The following ALG14 variants were observed in gnomAD, a reference collection of about 807,000 sequenced individuals.
ALG14 encodes the protein UDP-N-acetylglucosamine transferase subunit ALG14.
A neutral mutation model predicts 22.8 loss-of-function variants in ALG14; 17 were observed. The observed-to-expected ratio is 0.75, with a 90% CI of 0.51 to 1.12. The LOEUF is 1.12. Ranked by LOEUF, ALG14 falls within the 50% of genes most tolerant of loss-of-function variation. The pLI, the probability that ALG14 is intolerant of heterozygous loss-of-function variation, is 0.00. For missense variants in ALG14, 288 were observed against 271.8 expected (o/e 1.06, Z -0.42); for synonymous variants, 89 against 103.7 (o/e 0.86, Z 0.86).
intron 2 of ALG14, among the ~76,000 whole-genome samples, chr1:95,029,861 G>A (rs2100776265): frequency 6.6e-6 from 1 of 152,260 alleles, no homozygotes; most frequent in Non-Finnish European, 1.5e-5. Flanking sequence ...GGCTCAATAT[G>A]TATCCACTAT....
chr1:95,017,461 T>A (rs1302123901), intron 3 of ALG14, among the ~76,000 whole-genome samples: 1 of 152,056 alleles, frequency 6.6e-6, no homozygotes, highest in Admixed American at 6.5e-5. Flanking sequence ...TCGGGGCAGT[T>A]GGAAAGGAGT....
intron 2 of ALG14, among the ~76,000 whole-genome samples, chr1:95,046,676 G>A (rs912778418): frequency 2.6e-5 from 4 of 152,190 alleles, no homozygotes; most frequent in Admixed American, 2.0e-4. Flanking sequence ...TTATAAAAGT[G>A]CTTGCAGAAT....
intron 2 of ALG14, among the ~76,000 whole-genome samples, chr1:95,043,032 C>A (rs1312292623): frequency 6.6e-6 from 1 of 152,038 alleles, no homozygotes; most frequent in Non-Finnish European, 1.5e-5. Flanking sequence ...TTGCTGAAAT[C>A]AAAATTTTAA....
intron 3 of ALG14, 163 bp from the exon 4 acceptor site, chr1:94,983,469 A>G (rs1672554274): frequency 9.4e-6 from 6 of 639,668 alleles, no homozygotes; most frequent in Non-Finnish European, 1.3e-5. Flanking sequence ...GTTTAAGCCC[A>G]TGCACTTTGG....
At chr1:95,068,847 T>G (rs1201367182) in intron 1 of ALG14, among the ~76,000 whole-genome samples, 1 of 152,190 alleles carries the variant, frequency 6.6e-6, no homozygotes, top group Non-Finnish European at 1.5e-5. Context: ...AATGTAACAC[T>G]ATCAAGTGAA....
At chr1:95,033,450 T>TAC (rs1674084843) in intron 2 of ALG14, among the ~76,000 whole-genome samples, 1 of 147,726 alleles carries the variant, frequency 6.8e-6, no homozygotes, top group African/African-American at 2.5e-5. Flanking sequence ...CACACATACA[T>TAC]ATATATACAC....
chr1:95,038,681 C>CAAA (rs34228707), intron 2 of ALG14, among the ~76,000 whole-genome samples: 2 of 94,762 alleles, frequency 2.1e-5, no homozygotes, highest in East Asian at 3.0e-4. Context: ...AACTTCACCT[C>CAAA]AAAAAAAAAA....
chr1:95,032,925 T>C (rs2100781653), intron 2 of ALG14, among the ~76,000 whole-genome samples: 1 of 152,174 alleles, frequency 6.6e-6, no homozygotes, highest in East Asian at 1.9e-4. Context: ...TATAAAGAAG[T>C]CAATGAAAAA....
At chr1:94,984,375 G>A (rs1273375984) in intron 3 of ALG14, among the ~76,000 whole-genome samples, 2 of 152,090 alleles carry the variant, frequency 1.3e-5, no homozygotes, top group Non-Finnish European at 2.9e-5. Flanking sequence ...GCATTTCAAG[G>A]ACTCTCCCCG....
chr1:94,985,362 C>T (rs1040384691), intron 3 of ALG14, among the ~76,000 whole-genome samples: 1 of 152,174 alleles, frequency 6.6e-6, no homozygotes, highest in Non-Finnish European at 1.5e-5. Context: ...TAGCGTGCTT[C>T]GCAGCATCCC....
intron 3 of ALG14, among the ~76,000 whole-genome samples, chr1:95,018,301 TGAG>T (rs1209999499): frequency 7.2e-5 from 11 of 151,998 alleles, no homozygotes; most frequent in Admixed American, 5.9e-4. Context: ...TTTGGGAGGC[TGAG>T]GAGGGCAGAT....
At chr1:95,049,722 T>C (rs1211497510) in intron 2 of ALG14, among the ~76,000 whole-genome samples, 1 of 151,594 alleles carries the variant, frequency 6.6e-6, no homozygotes, top group Non-Finnish European at 1.5e-5. Context: ...ATATCAAAAA[T>C]TAGCCCAGTG....
At chr1:95,031,831 G>A (rs549026285) in intron 2 of ALG14, among the ~76,000 whole-genome samples, 60 of 152,068 alleles carry the variant, frequency 3.9e-4, no homozygotes, top group South Asian at 1.2e-3. Context: ...CTTTTTAGAC[G>A]GAGTTTAGCT....
chr1:95,046,733 C>G (rs545237356), intron 2 of ALG14, among the ~76,000 whole-genome samples: 1 of 152,324 alleles, frequency 6.6e-6, no homozygotes, highest in South Asian at 2.1e-4. Flanking sequence ...TAAAATAATA[C>G]TACAGCATTT....
chr1:94,996,653 G>A (rs1237357959), intron 3 of ALG14, among the ~76,000 whole-genome samples: 1 of 152,178 alleles, frequency 6.6e-6, no homozygotes, highest in Admixed American at 6.6e-5. Context: ...CTAGAAGTTA[G>A]TTCCCTAATA....
intron 3 of ALG14, among the ~76,000 whole-genome samples, chr1:95,007,335 C>T (rs1321009941): frequency 1.3e-5 from 2 of 152,214 alleles, no homozygotes; most frequent in East Asian, 1.9e-4. Flanking sequence ...CATTTCCCGT[C>T]TGAAGACATT....
At position 94,982,844 on chromosome 1, in the gene ALG14, A is replaced by C. The variant is rs149024884; in HGVS notation, c.*232T>G. ...TAATACATATTTTTATCTAGAAAAGAAATTTGGTTTACAGAGGCATAAACA... is the reference window on the plus strand; with the variant it reads ...TAATACATATTTTTATCTAGAAAAGCAATTTGGTTTACAGAGGCATAAACA... On this transcript the variant is annotated 3_prime_UTR_variant, in exon 4 of 4. Transcript: ENST00000370205. The C allele has an allele frequency of 4.3e-3, 1,957 of 452,926 alleles. 7 individuals are homozygous for C. Among genetic ancestry groups the C allele is most frequent in the Non-Finnish European group, 6.1e-3 (1,573 of 256,838 alleles). 28.1% of individuals were successfully genotyped at this position (452,926 alleles called of 1,614,324 possible).
At chr1:94,984,451 C>T (rs1414005732) in intron 3 of ALG14, among the ~76,000 whole-genome samples, 1 of 152,174 alleles carries the variant, frequency 6.6e-6, no homozygotes, top group South Asian at 2.1e-4. Flanking sequence ...AAAAAGGTCA[C>T]CTGGTCTAGG....
chr1:94,982,051 T>TA lies in ALG14; in HGVS notation c.*1024dup, dbSNP rs1208798048. ...CTTGAATTCTGGCTTTGCTACTTAC[T>TA]ACTCATGTGATCTTGGACAAGTCAT... On this transcript the variant is annotated 3_prime_UTR_variant, in exon 4 of 4. Coordinates refer to ENST00000370205, the MANE Select transcript of ALG14 (RefSeq NM_144988.4). 3.9e-5 allele frequency: 6 copies of TA among 151,924 alleles called. No individual in the cohort carries two copies. The highest frequency in any genetic ancestry group is 1.3e-4 in the Admixed American group (2 of 15,256). 9.4% of individuals were successfully genotyped at this position (151,924 alleles called of 1,614,324 possible). A position where few individuals can be genotyped will look rare whatever the true frequency, so the allele number is the denominator to read the frequency against.
Sources: gnomAD v4.1 joint callset for allele counts (sites outside exome capture counted in the v4.1 genomes callset) on GRCh38, gnomAD v4.1.1 for gene constraint, MANE v1.5 for transcripts, NCBI Gene and HGNC (gene_info 2026-07-23, HGNC 2026-07-21) for gene names.